FNDC1: variants seen among roughly 807,000 people sequenced by gnomAD.
FNDC1 encodes the protein fibronectin type III domain-containing protein 1.
A neutral mutation model predicts 168.0 loss-of-function variants in FNDC1; 96 were observed. The ratio of observed to expected loss-of-function variants is 0.57; its 90% CI spans 0.48 to 0.68. FNDC1 has a LOEUF of 0.68. Among genes scored for constraint, FNDC1 ranks in the 30% least tolerant of loss-of-function variants. FNDC1 has a pLI of 0.00. For missense variants in FNDC1, 2,587 were observed against 2,482.1 expected (o/e 1.04, Z -0.90); for synonymous variants, 1,099 against 1,025.9 (o/e 1.07, Z -1.36).
At chr6:159,241,670 C>T (rs947159941) in intron 14 of FNDC1, among the ~76,000 whole-genome samples, 2 of 152,094 alleles carry the variant, frequency 1.3e-5, no homozygotes, top group Admixed American at 6.6e-5. Flanking sequence ...TTCCATATGC[C>T]CTTTCTTATT....
intron 17 of FNDC1, 124 bp downstream of exon 17, chr6:159,251,656 A>ATGG: frequency 1.3e-6 from 1 of 784,232 alleles, no homozygotes; most frequent in Non-Finnish European, 2.1e-6. Flanking sequence ...TGGATGGATG[A>ATGG]ATGGGATGAT....
chr6:159,185,101 G>A (rs921552891), intron 1 of FNDC1, among the ~76,000 whole-genome samples: 9 of 150,506 alleles, frequency 6.0e-5, no homozygotes, highest in South Asian at 2.1e-4. Context: ...GCTCTGAAAC[G>A]GTAGCTTTTG....
Position 159,226,530 on chromosome 6 carries a change from T to C in FNDC1, c.1130T>C (p.Val377Ala). The C allele has an allele frequency of 6.2e-7, 1 of 1,611,764 alleles. No homozygotes were observed. Residue 377 changes from valine (V) to alanine (A), a missense_variant, in exon 9 of 23, where the codon GTT (valine) becomes GCT (alanine). Val to Ala is a moderately conservative substitution (Grantham distance 64, BLOSUM62 0). Coordinates refer to ENST00000297267, the MANE Select transcript of FNDC1 (RefSeq NM_032532.3). ...NVWPVNGKPT[V>A]VAASWDALPE... ...TGGCCAGTCAATGGCAAACCTACAG[T>C]TGTCGCTGCATCTTGGGATGCGCTA... is the stretch of plus-strand genomic sequence containing the variant.
intron 12 of FNDC1, among the ~76,000 whole-genome samples, chr6:159,238,258 T>C (rs759739579): frequency 1.1e-4 from 17 of 151,968 alleles, no homozygotes; most frequent in Non-Finnish European, 2.4e-4. Flanking sequence ...CCACCGCGCC[T>C]GGCTATTTTT....
intron 19 of FNDC1, among the ~76,000 whole-genome samples, chr6:159,261,763 C>T (rs183031768): frequency 6.6e-6 from 1 of 152,058 alleles, no homozygotes; most frequent in Non-Finnish European, 1.5e-5. Flanking sequence ...AGAGCATGCC[C>T]TTGCATTTTG....
rs765474442 is a variant in FNDC1, at chr6:159,221,679, C to G, written c.749C>G (p.Thr250Arg). ...RSQPVYRAAL[T>R]KRKISEEDEL... ...CAACCAGTCTACAGGGCTGCCCTAACAAAGCGAAAGATTTCAGGTATGTTT... is the reference window on the plus strand; with the variant it reads ...CAACCAGTCTACAGGGCTGCCCTAAGAAAGCGAAAGATTTCAGGTATGTTT... Residue 250 changes from threonine to arginine, a missense_variant, in exon 6 of 23, where the codon ACA (threonine) becomes AGA (arginine). By Grantham distance (71) the Thr-to-Arg change is moderately conservative. Coordinates refer to ENST00000297267, the MANE Select transcript of FNDC1 (RefSeq NM_032532.3). The G allele has an allele frequency of 6.2e-7, 1 of 1,613,878 alleles. No homozygotes were observed. The highest frequency in any genetic ancestry group is 1.1e-5 in the South Asian group (1 of 91,082).
intron 19 of FNDC1, 93 bp from the exon 20 acceptor site, chr6:159,264,882 T>C: frequency 1.0e-6 from 1 of 978,466 alleles, no homozygotes; most frequent in Non-Finnish European, 1.5e-6. Flanking sequence ...TTTATTCTAA[T>C]TTGGTTAGCT....
At chr6:159,170,667 G>C (rs1034796829) in intron 1 of FNDC1, among the ~76,000 whole-genome samples, 5 of 152,150 alleles carry the variant, frequency 3.3e-5, no homozygotes, top group African/African-American at 1.2e-4. Flanking sequence ...TGTATATATT[G>C]TTCTCTTACT....
intron 14 of FNDC1, among the ~76,000 whole-genome samples, chr6:159,243,024 C>G (rs949966121): frequency 1.3e-5 from 2 of 152,162 alleles, no homozygotes; most frequent in Non-Finnish European, 2.9e-5. Flanking sequence ...CTTGATCTGA[C>G]TTCTCTGTTG....
intron 4 of FNDC1, among the ~76,000 whole-genome samples, chr6:159,211,475 G>A (rs1782605163): frequency 6.6e-6 from 1 of 152,190 alleles, no homozygotes; most frequent in African/African-American, 2.4e-5. Flanking sequence ...TCTTCATCTG[G>A]CTATAGGCAA....
At chr6:159,213,619 T>C (rs1381056554) in intron 4 of FNDC1, among the ~76,000 whole-genome samples, 3 of 152,126 alleles carry the variant, frequency 2.0e-5, no homozygotes, top group Admixed American at 6.5e-5. Context: ...ATGATTTATG[T>C]TCCAGCTGAC....
intron 4 of FNDC1, among the ~76,000 whole-genome samples, chr6:159,207,854 C>A (rs529973580): frequency 2.4e-4 from 36 of 152,302 alleles, no homozygotes; most frequent in African/African-American, 8.2e-4. Flanking sequence ...CCCGACAAAT[C>A]AAAACTCTTT....
In FNDC1 at chr6:159,249,049, T is replaced by C; in HGVS notation, c.4701T>C (p.Phe1567=). 6.3e-7 allele frequency: 1 copy of C among 1,598,502 alleles called. No homozygotes were observed. The highest frequency in any genetic ancestry group is 1.1e-5 in the South Asian group (1 of 87,892). The change falls in exon 16 of 23, where the codon TTT becomes TTC. Residue 1567 remains phenylalanine, a synonymous_variant. Transcript: ENST00000297267. ...TTCATATCATTTCAGATTATGAATTTGAGACGTCAAGGCCACCAACCACCA... is the reference window on the plus strand; with the variant it reads ...TTCATATCATTTCAGATTATGAATTCGAGACGTCAAGGCCACCAACCACCA... ...AYVIYDEDYE[F]ETSRPPTTTE...
intron 4 of FNDC1, among the ~76,000 whole-genome samples, chr6:159,209,466 C>A (rs537485032): frequency 2.0e-5 from 3 of 152,348 alleles, no homozygotes; most frequent in African/African-American, 7.2e-5. Context: ...CTTGGGGGCA[C>A]AGATGCTGGC....
chr6:159,175,470 C>T (rs1388646589), intron 1 of FNDC1, among the ~76,000 whole-genome samples: 1 of 152,172 alleles, frequency 6.6e-6, no homozygotes, highest in Non-Finnish European at 1.5e-5. Context: ...CTTCTCTAGG[C>T]TGGATGTGAG....
At chr6:159,213,451 G>A (rs1278813028) in intron 4 of FNDC1, among the ~76,000 whole-genome samples, 1 of 152,168 alleles carries the variant, frequency 6.6e-6, no homozygotes, top group Admixed American at 6.5e-5. Flanking sequence ...GGATTGCCGA[G>A]TCAGAATTGG....
intron 8 of FNDC1, 92 bp from the exon 9 acceptor site, chr6:159,226,381 T>C: frequency 1.0e-6 from 1 of 973,514 alleles, no homozygotes; most frequent in Non-Finnish European, 1.5e-6. Flanking sequence ...GTCTTCAATT[T>C]AAAAAAATGT....
rs200944792 is a variant in FNDC1, at chr6:159,200,094, C to G, written c.391+12C>G. 2.3e-5 allele frequency: 36 copies of G among 1,574,328 alleles called. No individual in the cohort carries two copies. The African/African-American group carries it at 4.2e-4, about 18-fold the overall frequency. On this transcript the variant is annotated intron_variant, in intron 3 of 22. Coordinates refer to ENST00000297267, the MANE Select transcript of FNDC1 (RefSeq NM_032532.3). Reference sequence around the variant, plus strand: ...TGAAAGCCCACCTGGTAAGTCCTATCTAGAATCAGAGGCTGTAGTGTTGTT... The same window carrying G: ...TGAAAGCCCACCTGGTAAGTCCTATGTAGAATCAGAGGCTGTAGTGTTGTT...
chr6:159,205,652 T>C (rs959933780), intron 4 of FNDC1, among the ~76,000 whole-genome samples: 2 of 152,236 alleles, frequency 1.3e-5, no homozygotes, highest in African/African-American at 2.4e-5. Flanking sequence ...AGAACTTTCT[T>C]AGGCTCCAAA....
Sources: allele counts gnomAD v4.1 joint callset (sites outside exome capture counted in the v4.1 genomes callset), GRCh38; gene constraint gnomAD v4.1.1; transcripts MANE v1.5; gene names NCBI Gene and HGNC (gene_info 2026-07-23, HGNC 2026-07-21).